Variants in RAB11FIP1 observed in about 807,000 individuals in gnomAD.
The protein encoded by RAB11FIP1 is RAB11 family interacting protein 1.
In RAB11FIP1, 49 loss-of-function variants were observed where a neutral mutation model predicts 83.1. That is an observed-to-expected ratio of 0.59 (90% CI 0.47 to 0.75). The LOEUF (loss-of-function observed/expected upper bound fraction) is 0.75. Among genes scored for constraint, RAB11FIP1 ranks in the 30% least tolerant of loss-of-function variants. The probability of loss-of-function intolerance (pLI) is 0.00; values close to 1 mark genes in which losing one functional copy is unlikely to be tolerated. For missense variants in RAB11FIP1, 1,536 were observed against 1,598.7 expected, an observed-to-expected ratio of 0.96 and a Z score of 0.67; for synonymous variants, 670 against 656.0, an observed-to-expected ratio of 1.02 and a Z score of -0.33.
rs1459685233 is a variant in RAB11FIP1 at position 37,861,566 on chromosome 8, T to A, written c.*1329A>T. 2.3e-6 allele frequency: 1 copy of A among 443,322 alleles called. No individual in the cohort carries two copies. Among genetic ancestry groups the A allele is most frequent in the Non-Finnish European group, 4.5e-6 (1 of 224,030 alleles). 27.5% of individuals were successfully genotyped at this position (443,322 alleles called of 1,614,324 possible). On this transcript the variant is annotated 3_prime_UTR_variant, in exon 6 of 6. Transcript: ENST00000330843. ...CTTCTTTTTTTCTTTTTAGTTTTTT[T>A]TAAGACAGAGTCTTAAAAAAATTGC...
In RAB11FIP1 at chr8:37,861,361, T is replaced by A. The variant is rs1806228292; in HGVS notation, c.*1534A>T. ...GAAGGCTGAGGCACCTGTTTTCTAC[T>A]GACTTTTAACTTTTATTAACTACAT... On this transcript the variant is annotated 3_prime_UTR_variant, in exon 6 of 6. Transcript: ENST00000330843. 3.8e-6 allele frequency: 1 copy of A among 263,202 alleles called. No homozygotes were observed. Among genetic ancestry groups the A allele is most frequent in the African/African-American group, 2.3e-5 (1 of 42,598 alleles). The allele number at this position is 263,202 out of a possible 1,614,324, so 16.3% of individuals were successfully genotyped here.
intron 1 of RAB11FIP1, among the ~76,000 whole-genome samples, chr8:37,883,836 C>A (rs1158471393): frequency 6.6e-6 from 1 of 152,128 alleles, no homozygotes; most frequent in Admixed American, 6.6e-5. Context: ...GGGTTGGGTC[C>A]ATTTCCCTAG....
chr8:37,861,806 C>T lies in RAB11FIP1; in HGVS notation c.*1089G>A. On this transcript the variant is annotated 3_prime_UTR_variant, in exon 6 of 6. Coordinates refer to ENST00000330843, the MANE Select transcript of RAB11FIP1 (RefSeq NM_001002814.3). ...GTTTCGCCATGTTGGTCAGGCTGGTCTCGAACTCCTGACCTCAAGTGATCC... is the reference window on the plus strand; with the variant it reads ...GTTTCGCCATGTTGGTCAGGCTGGTTTCGAACTCCTGACCTCAAGTGATCC... 3.0e-6 allele frequency: 1 copy of T among 329,752 alleles called. No homozygotes were observed. Among genetic ancestry groups the T allele is most frequent in the Non-Finnish European group, 5.9e-6 (1 of 170,172 alleles). 20.4% of individuals were successfully genotyped at this position (329,752 alleles called of 1,614,324 possible). A position where few individuals can be genotyped will look rare whatever the true frequency, so the allele number is the denominator to read the frequency against.
chr8:37,895,251 ATATATATATTTTTTTTTTTTTTTTTTT>A (rs1446371220), intron 1 of RAB11FIP1, among the ~76,000 whole-genome samples: 2 of 12,664 alleles, frequency 1.6e-4, no homozygotes, highest in Admixed American at 1.4e-3. Context: ...ATATATATAT[ATATATATATTTTTTTTTTTTTTTTTTT>A]TTTTTTTTTT....
chr8:37,898,938 G>A (rs1807151660), intron 1 of RAB11FIP1, 133 bp downstream of exon 1: 6 of 960,504 alleles, frequency 6.2e-6, no homozygotes, highest in South Asian at 6.1e-5. Context: ...CACCAGCACC[G>A]GCCGAGGGCT....
rs761391636 is a variant in RAB11FIP1 at position 37,877,073 on chromosome 8, A to T, written c.814+36T>A. 1.6e-5 allele frequency: 24 copies of T among 1,455,938 alleles called. No homozygotes were observed. In the South Asian group the frequency reaches 2.2e-4, roughly 13 times the overall value. 90.2% of individuals were successfully genotyped at this position (1,455,938 alleles called of 1,614,324 possible). A position where few individuals can be genotyped will look rare whatever the true frequency, so the allele number is the denominator to read the frequency against. On this transcript the variant is annotated intron_variant, in intron 2 of 5. Coordinates refer to ENST00000330843, the MANE Select transcript of RAB11FIP1 (RefSeq NM_001002814.3). ...CTCAGAACGAAGCATGGTAAGAGGA[A>T]GAAGAGAGGTCAAGCAGGAAGAGGC... is the stretch of plus-strand genomic sequence containing the variant.
chr8:37,873,107 A>G lies in RAB11FIP1; in HGVS notation c.1695T>C (p.Pro565=). ...PSPTDSPSSL[P]PLPSSSGQAS... Reference sequence around the variant, plus strand: ...CCTGGCCAGAGCTAGAAGGAAGAGGAGGAAGAGAGGAAGGGGAGTCAGTAG... The same window carrying G: ...CCTGGCCAGAGCTAGAAGGAAGAGGGGGAAGAGAGGAAGGGGAGTCAGTAG... The change falls in exon 4 of 6, where the codon CCT becomes CCC. Residue 565 remains proline, a synonymous_variant. Transcript: ENST00000330843. 4 of 1,613,496 alleles carry G rather than the reference A, an allele frequency of 2.5e-6. No homozygotes were observed. The highest frequency in any genetic ancestry group is 1.1e-5 in the South Asian group (1 of 91,064).
At chr8:37,864,686 A>T (rs1277273833) in intron 5 of RAB11FIP1, among the ~76,000 whole-genome samples, 1 of 152,160 alleles carries the variant, frequency 6.6e-6, no homozygotes, top group Non-Finnish European at 1.5e-5. Context: ...GTTTCCATAG[A>T]CAGAGCGGGT....
In RAB11FIP1 at chr8:37,872,077, G is replaced by A. The variant is rs779488729; in HGVS notation, c.2725C>T (p.Pro909Ser). The A allele has an allele frequency of 2.5e-6, 4 of 1,613,988 alleles. No homozygotes were observed. The highest frequency in any genetic ancestry group is 3.4e-6 in the Non-Finnish European group (4 of 1,180,030). The part of the protein sequence containing the change: ...MSEASSAKDT[P>S]LFRMEGEDAL... ...TCCTCTCCCTCCATCCTAAAGAGTG[G>A]AGTGTCTTTCGCTGAGCTTGCTTCA... Residue 909 changes from proline (P) to serine (S), a missense_variant, in exon 4 of 6, where the codon CCA becomes TCA. Transcript: ENST00000330843.
chr8:37,895,881 G>GACACACAC lies in RAB11FIP1; in HGVS notation c.371+3182_371+3189dup, dbSNP rs374289320. 5.8e-4 allele frequency among the ~76,000 whole-genome samples: 87 copies of GACACACAC among 150,106 alleles called. 1 individual carries two copies. The highest frequency in any genetic ancestry group is 2.1e-3 in the African/African-American group (87 of 41,072). On this transcript the variant is annotated intron_variant, in intron 1 of 5. Coordinates refer to ENST00000330843, the MANE Select transcript of RAB11FIP1 (RefSeq NM_001002814.3). ...TAAGACAAAGACAGACAGACAGAGA[G>GACACACAC]ACACACACACACACACACACAATCT... is the stretch of plus-strand genomic sequence containing the variant.
At position 37,877,323 on chromosome 8, in the gene RAB11FIP1, G is replaced by C. The variant is rs761289092; in HGVS notation, c.600C>G (p.Val200=). 4 of 1,614,026 alleles carry C rather than the reference G, an allele frequency of 2.5e-6. No homozygotes were observed. The highest frequency in any genetic ancestry group is 8.5e-7 in the Non-Finnish European group (1 of 1,179,950). ...TAACCACAGACTCATCATCACTGTC[G>C]ACCGAAGGTGTCGTGCTAGGGATGA... The part of the protein sequence containing the change: ...SAIIPSTTPS[V]DSDDESVVKD... The change falls in exon 2 of 6, where the codon GTC becomes GTG. Residue 200 remains valine, a synonymous_variant. Transcript: ENST00000330843.
At position 37,871,797 on chromosome 8, in the gene RAB11FIP1, C is replaced by T. The variant is rs768102943; in HGVS notation, c.3005G>A (p.Gly1002Asp). The part of the protein sequence containing the change: ...STLDIGALSL[G>D]LVVPCPERGK... Reference sequence around the variant, plus strand: ...CCTCTCAGGACAGGGGACTACCAAGCCCAAGGACAAAGCTCCTATGTCCAG... The same window carrying T: ...CCTCTCAGGACAGGGGACTACCAAGTCCAAGGACAAAGCTCCTATGTCCAG... Residue 1002 changes from glycine (G) to aspartate (D), a missense_variant, in exon 4 of 6, where the codon GGC becomes GAC. Coordinates refer to ENST00000330843, the MANE Select transcript of RAB11FIP1 (RefSeq NM_001002814.3). 7.4e-6 allele frequency: 12 copies of T among 1,614,106 alleles called. No individual in the cohort carries two copies. The South Asian group carries it at 1.2e-4, about 16-fold the overall frequency.
intron 1 of RAB11FIP1, among the ~76,000 whole-genome samples, chr8:37,895,015 C>T (rs1290976176): frequency 6.8e-6 from 1 of 147,386 alleles, no homozygotes; most frequent in African/African-American, 2.5e-5. Flanking sequence ...ACCTTGGCCT[C>T]CTAAAGTGCT....
intron 1 of RAB11FIP1, among the ~76,000 whole-genome samples, chr8:37,883,815 C>G (rs764650335): frequency 9.2e-5 from 14 of 152,256 alleles, no homozygotes; most frequent in Non-Finnish European, 2.1e-4. Context: ...CTTGAATTAT[C>G]TCAGAAATCA....
At chr8:37,873,306 G>A (rs993504915) in intron 3 of RAB11FIP1, 127 bp from the exon 4 acceptor site, 1 of 1,097,706 alleles carries the variant, frequency 9.1e-7, no homozygotes, top group African/African-American at 1.6e-5. Flanking sequence ...ACCTTAAGAA[G>A]TTAAAAAAGG....
At chr8:37,891,133 T>C (rs1157844726) in intron 1 of RAB11FIP1, among the ~76,000 whole-genome samples, 1 of 152,132 alleles carries the variant, frequency 6.6e-6, no homozygotes. Flanking sequence ...CAGGACATCT[T>C]ATGGAGAGCA....
chr8:37,878,097 G>C (rs1000112202), intron 1 of RAB11FIP1: 3 of 152,238 alleles, frequency 2.0e-5, no homozygotes, highest in African/African-American at 7.3e-5. Flanking sequence ...ACACGCGCTA[G>C]ACAAAGATAG....
chr8:37,882,524 C>A (rs1231298165), intron 1 of RAB11FIP1, among the ~76,000 whole-genome samples: 1 of 152,210 alleles, frequency 6.6e-6, no homozygotes, highest in East Asian at 1.9e-4. Flanking sequence ...ATCTTTTTAT[C>A]CTGTGTATGA....
Position 37,874,767 on chromosome 8 carries a change from G to A in RAB11FIP1, c.1370C>T (p.Thr457Met), listed in dbSNP as rs1354966642. The A allele has an allele frequency of 7.4e-6, 12 of 1,614,018 alleles. No individual in the cohort carries two copies. Among genetic ancestry groups the A allele is most frequent in the African/African-American group, 5.3e-5 (4 of 74,902 alleles). The change falls in exon 3 of 6, where the codon ACG becomes ATG. Residue 457 changes from threonine (T) to methionine (M), a missense_variant. Coordinates refer to ENST00000330843, the MANE Select transcript of RAB11FIP1 (RefSeq NM_001002814.3). The part of the protein sequence containing the change: ...AKGSEGENPL[T>M]VPGREKEGML... ...GCCTTCCTTCTCCCTCCCTGGGACC[G>A]TGAGAGGGTTTTCACCTTCACTGCC...
Sources: allele counts gnomAD v4.1 joint callset (sites outside exome capture counted in the v4.1 genomes callset), GRCh38; gene constraint gnomAD v4.1.1; transcripts MANE v1.5; gene names NCBI Gene and HGNC (gene_info 2026-07-23, HGNC 2026-07-21).